Variants in STAP1 observed in about 807,000 individuals in gnomAD.
STAP1 encodes signal transducing adaptor family member 1.
Under a neutral mutation model 37.8 loss-of-function variants are expected in STAP1, and 30 were observed. The observed-to-expected ratio is 0.79, with a 90% confidence interval of 0.59 to 1.08. The LOEUF (loss-of-function observed/expected upper bound fraction) is 1.08. Among genes scored for constraint, STAP1 ranks in the 50% least tolerant of loss-of-function variants. STAP1 has a pLI of 0.00. For missense variants in STAP1, 357 were observed against 349.4 expected (o/e 1.02, Z -0.17); for synonymous variants, 130 against 116.0 (o/e 1.12, Z -0.78).
intron 4 of STAP1, among the ~76,000 whole-genome samples, chr4:67,578,617 A>C (rs1727780121): frequency 6.6e-6 from 1 of 152,176 alleles, no homozygotes; most frequent in Non-Finnish European, 1.5e-5. Context: ...TACCGGGTAT[A>C]ACTATCCCAA....
intron 8 of STAP1, among the ~76,000 whole-genome samples, chr4:67,597,780 C>A (rs531373072): frequency 2.0e-5 from 3 of 152,188 alleles, no homozygotes; most frequent in Non-Finnish European, 4.4e-5. Flanking sequence ...CAATTTCTCC[C>A]ATTTTGAATG....
At chr4:67,596,739 T>G (rs1250376911) in intron 8 of STAP1, among the ~76,000 whole-genome samples, 1 of 152,172 alleles carries the variant, frequency 6.6e-6, no homozygotes, top group African/African-American at 2.4e-5. Context: ...GTGAGAGAGA[T>G]AATTTAGGGT....
intron 6 of STAP1, among the ~76,000 whole-genome samples, chr4:67,588,388 T>G (rs1728039914): frequency 6.6e-6 from 1 of 151,682 alleles, no homozygotes; most frequent in South Asian, 2.1e-4. Flanking sequence ...ATGATGTCTT[T>G]TTTTTGTTGT....
chr4:67,605,451 TGA>T (rs1728431732), intron 8 of STAP1, among the ~76,000 whole-genome samples: 8 of 151,200 alleles, frequency 5.3e-5, no homozygotes, highest in Non-Finnish European at 1.0e-4. Context: ...TATTGGTATA[TGA>T]CTGAATGTGT....
chr4:67,591,288 C>G (rs560128986), intron 7 of STAP1, among the ~76,000 whole-genome samples: 1 of 152,226 alleles, frequency 6.6e-6, no homozygotes, highest in Non-Finnish European at 1.5e-5. Flanking sequence ...AATGCCTAAT[C>G]CTCTAATACC....
chr4:67,600,067 T>G (rs1282883765), intron 8 of STAP1, among the ~76,000 whole-genome samples: 1 of 152,204 alleles, frequency 6.6e-6, no homozygotes, highest in Non-Finnish European at 1.5e-5. Context: ...TTCTTGCTTT[T>G]TTAGTTCTTT....
At chr4:67,598,700 T>A (rs761448644) in intron 8 of STAP1, among the ~76,000 whole-genome samples, 5 of 152,260 alleles carry the variant, frequency 3.3e-5, no homozygotes, top group African/African-American at 4.8e-5. Flanking sequence ...ATGTGTAGTT[T>A]GCAAATATTT....
At chr4:67,602,071 A>G (rs963966870) in intron 8 of STAP1, among the ~76,000 whole-genome samples, 1 of 151,632 alleles carries the variant, frequency 6.6e-6, no homozygotes, top group African/African-American at 2.4e-5. Context: ...TGCATCTTCA[A>G]ATAGCCTGTC....
At chr4:67,604,488 T>C (rs138313547) in intron 8 of STAP1, among the ~76,000 whole-genome samples, 1 of 152,308 alleles carries the variant, frequency 6.6e-6, no homozygotes, top group African/African-American at 2.4e-5. Flanking sequence ...TTTTTATAGC[T>C]TTTCTTTGTT....
intron 1 of STAP1, among the ~76,000 whole-genome samples, chr4:67,568,694 A>C (rs543678761): frequency 6.6e-6 from 1 of 152,188 alleles, no homozygotes. Flanking sequence ...ATGGTGTTCA[A>C]TTATCAATTT....
intron 5 of STAP1, among the ~76,000 whole-genome samples, 185 bp downstream of exon 5, chr4:67,581,656 G>T (rs1270075035): frequency 6.6e-6 from 1 of 152,078 alleles, no homozygotes; most frequent in African/African-American, 2.4e-5. Context: ...ATGCAGATTT[G>T]AACCAACCAT....
At chr4:67,564,700 G>A (rs1578020455) in intron 1 of STAP1, among the ~76,000 whole-genome samples, 1 of 152,094 alleles carries the variant, frequency 6.6e-6, no homozygotes, top group East Asian at 1.9e-4. Context: ...ATCACTTGAG[G>A]TCAGGAGTTC....
chr4:67,605,434 A>G lies in STAP1; in HGVS notation c.827-862A>G, dbSNP rs1165436296. Among the ~76,000 whole-genome samples the G allele has an allele frequency of 2.0e-5, 3 of 150,504 alleles. No individual in the cohort carries two copies. In the East Asian group the frequency reaches 5.9e-4, roughly 29 times the overall value. On this transcript the variant is annotated intron_variant, in intron 8 of 8. Coordinates refer to ENST00000265404, the MANE Select transcript of STAP1 (RefSeq NM_012108.4). ...TTAAGGATTTTAGAAACAGACAACC[A>G]GATTGCTATTGGTATATGACTGAAT...
intron 6 of STAP1, among the ~76,000 whole-genome samples, chr4:67,584,382 C>T (rs1727935350): frequency 6.6e-6 from 1 of 152,176 alleles, no homozygotes; most frequent in South Asian, 2.1e-4. Flanking sequence ...AAAAGAAAAA[C>T]ATCCCTGGCT....
chr4:67,606,233 A>G (rs921661227), intron 8 of STAP1, 63 bp from the exon 9 acceptor site: 1 of 1,413,866 alleles, frequency 7.1e-7, no homozygotes, highest in Non-Finnish European at 9.8e-7. Flanking sequence ...CACTGAAAAT[A>G]AAGAACCACC....
chr4:67,594,036 A>G (rs17088499), intron 8 of STAP1, among the ~76,000 whole-genome samples: 24,613 of 152,156 alleles, frequency 0.16, 3,538 homozygotes, highest in African/African-American at 0.38. Flanking sequence ...TCTCTTTGCA[A>G]TCCAACTTCT....
intron 3 of STAP1, among the ~76,000 whole-genome samples, chr4:67,576,749 C>A (rs550808945): frequency 6.6e-6 from 1 of 152,132 alleles, no homozygotes; most frequent in South Asian, 2.1e-4. Context: ...CCACCTCAGC[C>A]TCCCAAAGTG....
intron 5 of STAP1, among the ~76,000 whole-genome samples, chr4:67,581,785 A>G (rs1460201150): frequency 6.6e-6 from 1 of 152,184 alleles, no homozygotes; most frequent in African/African-American, 2.4e-5. Context: ...TTTTTTCACT[A>G]TGCAAACTCT....
chr4:67,602,729 C>T (rs1728370534), intron 8 of STAP1, among the ~76,000 whole-genome samples: 1 of 152,196 alleles, frequency 6.6e-6, no homozygotes, highest in South Asian at 2.1e-4. Context: ...CCTCCTCTCT[C>T]TCTCTCTGTG....
Sources: allele counts gnomAD v4.1 joint callset (sites outside exome capture counted in the v4.1 genomes callset), GRCh38; gene constraint gnomAD v4.1.1; transcripts MANE v1.5; gene names NCBI Gene and HGNC (gene_info 2026-07-23, HGNC 2026-07-21).